Variants in SMIM36 observed in about 807,000 individuals in gnomAD.
SMIM36 encodes the protein small integral membrane protein 36.
intron 1 of SMIM36, among the ~76,000 whole-genome samples, chr17:55,485,530 C>T (rs535463089): frequency 2.6e-4 from 40 of 151,228 alleles, no homozygotes; most frequent in Admixed American, 5.3e-4. Flanking sequence ...TTTAATTGTT[C>T]CCCCCACCTC....
intron 1 of SMIM36, among the ~76,000 whole-genome samples, chr17:55,481,522 G>A (rs968905125): frequency 6.6e-5 from 10 of 152,026 alleles, no homozygotes; most frequent in African/African-American, 2.4e-4. Context: ...TCCTGTTTTC[G>A]ATCATGACAA....
chr17:55,519,874 A>AGGTTGT, the SMIM36 span, among the ~76,000 whole-genome samples: 3 of 152,212 alleles, frequency 2.0e-5, no homozygotes, highest in Non-Finnish European at 4.4e-5. Flanking sequence ...TCACCTACTT[A>AGGTTGT]AATTGTAGGT....
chr17:55,457,451 C>T (rs944586397), intron 4 of SMIM36, among the ~76,000 whole-genome samples: 1 of 61,660 alleles, frequency 1.6e-5, no homozygotes, highest in South Asian at 5.8e-4. Flanking sequence ...AACTCCGTCT[C>T]AAAAAAAAAA....
At chr17:55,490,548 G>A (rs964046914) in intron 1 of SMIM36, among the ~76,000 whole-genome samples, 3 of 152,126 alleles carry the variant, frequency 2.0e-5, no homozygotes, top group Non-Finnish European at 2.9e-5. Context: ...CATATGATAT[G>A]GTCTCAGAGT....
intron 1 of SMIM36, among the ~76,000 whole-genome samples, chr17:55,508,095 T>C (rs901467043): frequency 1.3e-5 from 2 of 152,078 alleles, no homozygotes; most frequent in African/African-American, 4.8e-5. Flanking sequence ...TATTAGTGTC[T>C]GGTGGTGCAT....
chr17:55,501,315 T>TAACATAA, intron 1 of SMIM36, among the ~76,000 whole-genome samples: 1 of 85,746 alleles, frequency 1.2e-5, no homozygotes, highest in African/African-American at 4.6e-5. Context: ...ATGTTATATA[T>TAACATAA]TATATTTTAT....
chr17:55,495,386 T>C (rs985029135), intron 1 of SMIM36, among the ~76,000 whole-genome samples: 1 of 152,222 alleles, frequency 6.6e-6, no homozygotes, highest in Non-Finnish European at 1.5e-5. Context: ...AACCCATGGA[T>C]TGGAACCACT....
chr17:55,520,668 G>A, the SMIM36 span, among the ~76,000 whole-genome samples: 1 of 152,138 alleles, frequency 6.6e-6, no homozygotes, highest in African/African-American at 2.4e-5. Context: ...GCATCAGGAT[G>A]CTCAGAACAG....
chr17:55,466,293 A>AAAG (rs1555620352), intron 4 of SMIM36, among the ~76,000 whole-genome samples: 13 of 151,060 alleles, frequency 8.6e-5, no homozygotes, highest in African/African-American at 3.2e-4. Context: ...AAAAAAAAAA[A>AAAG]AAAAAAAAAG....
intron 1 of SMIM36, among the ~76,000 whole-genome samples, chr17:55,500,313 C>T (rs946920459): frequency 3.3e-5 from 5 of 152,060 alleles, no homozygotes; most frequent in East Asian, 1.9e-4. Flanking sequence ...CTTATAGAGA[C>T]GGGCTCTTGC....
chr17:55,457,468 AAAG>A (rs1288086170), intron 4 of SMIM36, among the ~76,000 whole-genome samples: 6 of 151,362 alleles, frequency 4.0e-5, no homozygotes, highest in African/African-American at 1.5e-4. Flanking sequence ...AAAAAAAAAA[AAAG>A]AATAGAATAA....
intron 3 of SMIM36, among the ~76,000 whole-genome samples, chr17:55,469,528 A>G (rs1204700783): frequency 1.3e-5 from 2 of 152,178 alleles, no homozygotes; most frequent in African/African-American, 4.8e-5. Flanking sequence ...AAGCTCCAAA[A>G]ATTAGATTCC....
At chr17:55,491,521 TG>T (rs1368514926) in intron 1 of SMIM36, among the ~76,000 whole-genome samples, 1 of 152,150 alleles carries the variant, frequency 6.6e-6, no homozygotes, top group Non-Finnish European at 1.5e-5. Context: ...TTGTTGGAAA[TG>T]GCAATGTAAC....
chr17:55,466,253 G>A (rs1909233291), intron 4 of SMIM36, among the ~76,000 whole-genome samples: 1 of 135,118 alleles, frequency 7.4e-6, no homozygotes, highest in South Asian at 2.3e-4. Flanking sequence ...CTCCAGCCTG[G>A]GCAACAAGAT....
the SMIM36 span, among the ~76,000 whole-genome samples, chr17:55,523,959 C>A: frequency 6.6e-6 from 1 of 151,766 alleles, no homozygotes; most frequent in Non-Finnish European, 1.5e-5. Flanking sequence ...GGTACACGTG[C>A]AGGTTTGTTA....
chr17:55,498,322 T>G (rs1909843843), intron 1 of SMIM36, among the ~76,000 whole-genome samples: 1 of 152,098 alleles, frequency 6.6e-6, no homozygotes, highest in East Asian at 1.9e-4. Flanking sequence ...GGGACAAAAT[T>G]CAACCCATAA....
chr17:55,474,000 T>G (rs1909384168), intron 3 of SMIM36, among the ~76,000 whole-genome samples: 1 of 152,082 alleles, frequency 6.6e-6, no homozygotes, highest in Admixed American at 6.5e-5. Flanking sequence ...TCTGTTCTGT[T>G]CTAATTACCA....
rs530696669 is a variant in SMIM36 at position 55,483,313 on chromosome 17, T to C, written c.*175-3733A>G. On this transcript the variant is annotated intron_variant, in intron 1 of 4. Transcript: ENST00000636752. ...ACTTTTTGCATTTTCTACCCTGAGA[T>C]GCTATTGTTATTTTAAAATATGGAG... is the stretch of plus-strand genomic sequence containing the variant. Among the ~76,000 whole-genome samples, 3 of 152,360 alleles carry C rather than the reference T, an allele frequency of 2.0e-5. No homozygotes were observed. In the South Asian group the frequency reaches 6.2e-4, roughly 32 times the overall value.
At chr17:55,458,217 T>C (rs1324295714) in intron 4 of SMIM36, 1 of 152,228 alleles carries the variant, frequency 6.6e-6, no homozygotes, top group Non-Finnish European at 1.5e-5. Flanking sequence ...GGATGTTCTA[T>C]TACTCACTTT....
Sources: allele counts gnomAD v4.1 joint callset (sites outside exome capture counted in the v4.1 genomes callset), GRCh38; gene constraint gnomAD v4.1.1; transcripts MANE v1.5; gene names NCBI Gene and HGNC (gene_info 2026-07-23, HGNC 2026-07-21).